The following MGAT4C variants were observed in gnomAD, a reference collection of about 807,000 sequenced individuals.
MGAT4C encodes MGAT4 family member C, also known as alpha-1,3-mannosyl-glycoprotein 4-beta-N-acetylglucosaminyltransferase C.
MGAT4C carries 19 observed loss-of-function variants against 40.1 expected under a neutral mutation model. The ratio of observed to expected loss-of-function variants is 0.47; its 90% CI spans 0.33 to 0.70. The LOEUF (loss-of-function observed/expected upper bound fraction) is 0.70, where lower values mean the gene tolerates loss of function less well. MGAT4C is among the 30% of genes least tolerant of loss of function. MGAT4C has a pLI of 0.02. For missense variants in MGAT4C, 491 were observed against 563.2 expected, an observed-to-expected ratio of 0.87 and a Z score of 1.30; for synonymous variants, 181 against 187.1, an observed-to-expected ratio of 0.97 and a Z score of 0.27.
chr12:86,526,138 AG>A (rs1161330114), intron 2 of MGAT4C, among the ~76,000 whole-genome samples: 2 of 152,096 alleles, frequency 1.3e-5, no homozygotes, highest in Non-Finnish European at 2.9e-5. Context: ...CTGTTGGGCA[AG>A]GGTGGTTGCT....
At chr12:86,185,642 T>C (rs576843611) in intron 1 of MGAT4C, among the ~76,000 whole-genome samples, 3 of 152,290 alleles carry the variant, frequency 2.0e-5, no homozygotes, top group African/African-American at 7.2e-5. Context: ...ATATGTGACA[T>C]CTTTACTTTG....
intron 1 of MGAT4C, among the ~76,000 whole-genome samples, chr12:86,779,137 A>G (rs1951790899): frequency 6.6e-6 from 1 of 152,100 alleles, no homozygotes; most frequent in Admixed American, 6.6e-5. Flanking sequence ...GATGTGTTCA[A>G]TTCTAAACTT....
chr12:86,140,659 T>A (rs971196124), intron 1 of MGAT4C, among the ~76,000 whole-genome samples: 1 of 152,006 alleles, frequency 6.6e-6, no homozygotes, highest in Admixed American at 6.6e-5. Context: ...ATAATAAAAA[T>A]AAAATAAAAT....
rs148210237 is a variant in MGAT4C, at chr12:86,314,585, T to C, written c.-57+19480A>G. ...AAGACTTTTAGAAATGACGAAGGAC[T>C]TCAGTAAAGTTTTAGGATACAAAGT... On this transcript the variant is annotated intron_variant, in intron 4 of 7. Coordinates refer to the MGAT4C transcript ENST00000548651. 8.0e-4 allele frequency among the ~76,000 whole-genome samples: 122 copies of C among 152,302 alleles called. 3 individuals are homozygous for C. In the East Asian group the frequency reaches 0.022, roughly 27 times the overall value.
intron 1 of MGAT4C, among the ~76,000 whole-genome samples, chr12:86,831,104 C>G (rs1302130095): frequency 6.6e-6 from 1 of 151,592 alleles, no homozygotes; most frequent in Non-Finnish European, 1.5e-5. Flanking sequence ...CCATTGGAAA[C>G]CCATGAAGAG....
intron 2 of MGAT4C, among the ~76,000 whole-genome samples, chr12:86,029,877 A>G (rs190443305): frequency 1.3e-5 from 2 of 151,942 alleles, no homozygotes; most frequent in Admixed American, 1.3e-4. Context: ...TCTGGGGATT[A>G]ATTTTATTAC....
intron 3 of MGAT4C, among the ~76,000 whole-genome samples, chr12:86,377,060 C>CTTTT (rs57102882): frequency 1.5e-5 from 2 of 130,682 alleles, no homozygotes; most frequent in African/African-American, 2.8e-5. Flanking sequence ...TAGGCATTTG[C>CTTTT]TTTTTTTTTT....
In MGAT4C at chr12:86,583,832, T is replaced by C. The variant is rs1960892969; in HGVS notation, c.-229+143377A>G. Among the ~76,000 whole-genome samples the C allele has an allele frequency of 2.0e-5, 3 of 151,294 alleles. No individual in the cohort carries two copies. The Admixed American group carries it at 2.0e-4, about 10-fold the overall frequency. On this transcript the variant is annotated intron_variant, in intron 2 of 7. Coordinates refer to the MGAT4C transcript ENST00000548651. ...AATATATTTTAAAGTATTTATTGTA[T>C]CCCTAGAAAAAGAATCTTTCTTAAC...
At chr12:86,760,659 C>G (rs1333974305) in intron 1 of MGAT4C, among the ~76,000 whole-genome samples, 1 of 152,094 alleles carries the variant, frequency 6.6e-6, no homozygotes, top group Non-Finnish European at 1.5e-5. Flanking sequence ...CACAATGTTC[C>G]AGCTCACTGC....
chr12:86,816,446 C>G (rs1433223317), intron 1 of MGAT4C, among the ~76,000 whole-genome samples: 2 of 151,542 alleles, frequency 1.3e-5, no homozygotes. Flanking sequence ...GTATAGGTTT[C>G]AAATTTTTTT....
intron 2 of MGAT4C, among the ~76,000 whole-genome samples, chr12:86,557,716 C>A (rs1191145680): frequency 6.6e-6 from 1 of 152,094 alleles, no homozygotes; most frequent in African/African-American, 2.4e-5. Flanking sequence ...ATAAATATAT[C>A]TGTATGAAAA....
chr12:86,359,543 C>A (rs1955405705), intron 3 of MGAT4C, among the ~76,000 whole-genome samples: 1 of 151,678 alleles, frequency 6.6e-6, no homozygotes, highest in Admixed American at 6.6e-5. Context: ...AATCCATGAG[C>A]TGGTTTTTTG....
chr12:86,711,511 G>C (rs1465740874), intron 2 of MGAT4C, among the ~76,000 whole-genome samples: 5 of 152,130 alleles, frequency 3.3e-5, no homozygotes, highest in African/African-American at 1.2e-4. Flanking sequence ...TTTGTGTATA[G>C]ATGGTCACTA....
In MGAT4C at chr12:85,976,777, T is replaced by C. The variant is rs2136672282; in HGVS notation, c.*2512A>G. ...GTATAGTTAAACCTAATAACTGTAC[T>C]TTTGTTTCTATGCCTCTGAGACAAG... On this transcript the variant is annotated 3_prime_UTR_variant, in exon 5 of 5. Transcript: ENST00000611864. 1 of 150,336 alleles carries C rather than the reference T, an allele frequency of 6.7e-6. No individual in the cohort carries two copies. Among genetic ancestry groups the C allele is most frequent in the African/African-American group, 2.4e-5 (1 of 41,288 alleles). 9.3% of individuals were successfully genotyped at this position (150,336 alleles called of 1,614,324 possible).
At chr12:86,064,009 A>G (rs976420466) in intron 1 of MGAT4C, among the ~76,000 whole-genome samples, 1 of 152,218 alleles carries the variant, frequency 6.6e-6, no homozygotes, top group African/African-American at 2.4e-5. Context: ...AAAATTAACA[A>G]GGATATTCAG....
intron 2 of MGAT4C, among the ~76,000 whole-genome samples, chr12:86,513,926 T>G (rs959065106): frequency 6.6e-6 from 1 of 151,884 alleles, no homozygotes; most frequent in African/African-American, 2.4e-5. Flanking sequence ...AGCCTAGCAG[T>G]TACGAAAGGG....
chr12:85,995,916 A>G (rs921682959), intron 2 of MGAT4C, among the ~76,000 whole-genome samples: 1 of 152,212 alleles, frequency 6.6e-6, no homozygotes, highest in African/African-American at 2.4e-5. Flanking sequence ...ATATTACCTT[A>G]GTATTTGGGC....
At chr12:86,436,710 T>C (rs1957144590) in intron 2 of MGAT4C, among the ~76,000 whole-genome samples, 1 of 151,676 alleles carries the variant, frequency 6.6e-6, no homozygotes, top group Non-Finnish European at 1.5e-5. Flanking sequence ...TATCGAATAT[T>C]TTTCTTTAAA....
chr12:86,110,310 ATATATATAGTCTCTCTCTCTG>A (rs1877136666), intron 1 of MGAT4C, among the ~76,000 whole-genome samples: 1 of 53,406 alleles, frequency 1.9e-5, no homozygotes, highest in Non-Finnish European at 3.8e-5. Flanking sequence ...CTATATATAT[ATATATATAGTCTCTCTCTCTG>A]TATATAGTCT....
Sources: gnomAD v4.1 joint callset for allele counts (sites outside exome capture counted in the v4.1 genomes callset) on GRCh38, gnomAD v4.1.1 for gene constraint, MANE v1.5 for transcripts, NCBI Gene and HGNC (gene_info 2026-07-23, HGNC 2026-07-21) for gene names.